RASGEF1B: variants seen among roughly 807,000 people sequenced by gnomAD.
RASGEF1B encodes RasGEF domain family member 1B, also known as ras-GEF domain-containing family member 1B.
RASGEF1B carries 30 observed loss-of-function variants against 65.7 expected under a neutral mutation model. The ratio of observed to expected loss-of-function variants is 0.46; its 90% confidence interval spans 0.34 to 0.62. The LOEUF (loss-of-function observed/expected upper bound fraction) is 0.62. RASGEF1B is among the 20% of genes least tolerant of loss of function. The pLI is 0.01. For synonymous variants in RASGEF1B, 175 were observed against 194.8 expected, an observed-to-expected ratio of 0.90 and a Z score of 0.85; for missense variants, 495 against 580.1, an observed-to-expected ratio of 0.85 and a Z score of 1.51.
Position 81,440,866 on chromosome 4 carries a change from T to C in RASGEF1B, c.1072A>G (p.Arg358Gly). The C allele has an allele frequency of 6.2e-7, 1 of 1,613,110 alleles. No individual in the cohort carries two copies. The highest frequency in any genetic ancestry group is 1.7e-5 in the Admixed American group (1 of 60,014). The change falls in exon 10 of 14, where the codon AGG becomes GGG. Residue 358 changes from arginine (R) to glycine (G), a missense_variant. Transcript: ENST00000264400. Reference sequence around the variant, plus strand: ...CTACTACTATGAGCAGTTAAAGACCTTTGTGCTGCCCCACGAAGAGCTGTT... The same window carrying C: ...CTACTACTATGAGCAGTTAAAGACCCTTGTGCTGCCCCACGAAGAGCTGTT... ...YRTALRGAAQRSLTAHSSREK... is the reference protein window; with the variant it reads ...YRTALRGAAQGSLTAHSSREK...
intron 1 of RASGEF1B, among the ~76,000 whole-genome samples, chr4:81,468,994 G>C (rs765984864): frequency 6.6e-6 from 1 of 152,134 alleles, no homozygotes; most frequent in Non-Finnish European, 1.5e-5. Context: ...CACAGCACTA[G>C]GCTATAACAT....
chr4:81,437,859 T>G (rs148646411), intron 10 of RASGEF1B, among the ~76,000 whole-genome samples: 195 of 152,334 alleles, frequency 1.3e-3, no homozygotes, highest in South Asian at 5.2e-3. Flanking sequence ...AAATCTAATA[T>G]AGTGAAAATC....
chr4:81,430,223 C>T (rs924349748), intron 13 of RASGEF1B, among the ~76,000 whole-genome samples: 5 of 152,154 alleles, frequency 3.3e-5, no homozygotes, highest in Admixed American at 1.3e-4. Flanking sequence ...ATGGCGTGAA[C>T]CCGGGAGGCG....
chr4:81,441,488 C>A (rs766930510), intron 9 of RASGEF1B, among the ~76,000 whole-genome samples: 5 of 151,668 alleles, frequency 3.3e-5, no homozygotes, highest in Non-Finnish European at 5.9e-5. Context: ...CACTGATATA[C>A]CAAGGTAGTA....
At chr4:81,451,882 A>G (rs1433364373) in intron 4 of RASGEF1B, 1 of 152,210 alleles carries the variant, frequency 6.6e-6, no homozygotes, top group Non-Finnish European at 1.5e-5. Context: ...AAAATACTTT[A>G]GTAAGAAATT....
At position 81,457,581 on chromosome 4, in the gene RASGEF1B, A is replaced by G; in HGVS notation, c.218T>C (p.Phe73Ser). 1.2e-6 allele frequency: 2 copies of G among 1,614,108 alleles called. No individual in the cohort carries two copies. Among genetic ancestry groups the G allele is most frequent in the Non-Finnish European group, 8.5e-7 (1 of 1,179,974 alleles). Residue 73 changes from phenylalanine (F) to serine (S), a missense_variant, in exon 3 of 14, where the codon TTT (phenylalanine) becomes TCT (serine). By Grantham distance (155) the Phe-to-Ser change is radical. Coordinates refer to ENST00000264400, the MANE Select transcript of RASGEF1B (RefSeq NM_152545.3). ...IFTFLLSSRLFMHPYELMAKV... is the reference protein window; with the variant it reads ...IFTFLLSSRLSMHPYELMAKV... ...GGCCATTAGCTCATACGGATGCATA[A>G]ATAACCGAGAACTGAGTAGGAAGGT... is the stretch of plus-strand genomic sequence containing the variant.
rs191313863 is a variant in RASGEF1B, at chr4:81,448,673, C to T, written c.439-389G>A. On this transcript the variant is annotated intron_variant, in intron 4 of 13. Transcript: ENST00000264400. ...GGGTTGAAATACATTGATCGCAAGTCAATGCATCCTTTTCCTAAGGCTTTT... is the reference window on the plus strand; with the variant it reads ...GGGTTGAAATACATTGATCGCAAGTTAATGCATCCTTTTCCTAAGGCTTTT... Among the ~76,000 whole-genome samples, 28 of 152,304 alleles carry T rather than the reference C, an allele frequency of 1.8e-4. No homozygotes were observed. The East Asian group carries it at 5.0e-3, about 27-fold the overall frequency.
At chr4:81,443,902 T>C (rs1206418653) in intron 8 of RASGEF1B, among the ~76,000 whole-genome samples, 1 of 152,208 alleles carries the variant, frequency 6.6e-6, no homozygotes, top group Non-Finnish European at 1.5e-5. Flanking sequence ...TAATGTACAA[T>C]AAGAGCCCCA....
intron 10 of RASGEF1B, among the ~76,000 whole-genome samples, chr4:81,435,774 CT>C (rs34304493): frequency 3.2e-3 from 295 of 91,592 alleles, no homozygotes; most frequent in African/African-American, 8.7e-3. Flanking sequence ...CGCGCCTGGC[CT>C]TTTTTTTTTT....
chr4:81,461,226 T>G (rs1056078954), intron 1 of RASGEF1B, among the ~76,000 whole-genome samples: 1 of 152,204 alleles, frequency 6.6e-6, no homozygotes, highest in African/African-American at 2.4e-5. Flanking sequence ...TAAGAGCCAG[T>G]CTGTCCTTGC....
At chr4:81,447,126 T>C (rs1387835595) in intron 6 of RASGEF1B, among the ~76,000 whole-genome samples, 1 of 152,210 alleles carries the variant, frequency 6.6e-6, no homozygotes, top group Non-Finnish European at 1.5e-5. Context: ...ATCCTGTCTT[T>C]CCTGCCCCTG....
intron 10 of RASGEF1B, among the ~76,000 whole-genome samples, chr4:81,439,394 T>G (rs1048352406): frequency 1.3e-5 from 2 of 152,244 alleles, no homozygotes; most frequent in African/African-American, 4.8e-5. Flanking sequence ...TATTAAATGA[T>G]GTGAAGGGTA....
intron 1 of RASGEF1B, among the ~76,000 whole-genome samples, chr4:81,460,326 A>G (rs1024710339): frequency 6.6e-6 from 1 of 152,160 alleles, no homozygotes; most frequent in African/African-American, 2.4e-5. Flanking sequence ...CTATTAAGTT[A>G]TTACTTGAAT....
chr4:81,440,400 C>A (rs946042074), intron 10 of RASGEF1B, among the ~76,000 whole-genome samples: 1 of 152,164 alleles, frequency 6.6e-6, no homozygotes, highest in Non-Finnish European at 1.5e-5. Flanking sequence ...GCTATAGCAA[C>A]TAACCCACTT....
chr4:81,466,131 TGGGGA>T (rs944239307), intron 1 of RASGEF1B, among the ~76,000 whole-genome samples: 1 of 152,156 alleles, frequency 6.6e-6, no homozygotes, highest in African/African-American at 2.4e-5. Context: ...ATTTGTTTAG[TGGGGA>T]GAGGTTTAAT....
At chr4:81,445,971 G>C (rs76186356) in intron 6 of RASGEF1B, 133 bp from the exon 7 acceptor site, 21,953 of 653,074 alleles carry the variant, frequency 0.034, 500 homozygotes, top group Middle Eastern at 0.058. Context: ...GAAAGAGAGA[G>C]AGAAAGACAA....
intron 6 of RASGEF1B, 101 bp from the exon 7 acceptor site, chr4:81,445,939 A>G: frequency 1.2e-6 from 1 of 802,880 alleles, no homozygotes. Flanking sequence ...TTTATGGATT[A>G]GGAAAGCTTT....
At chr4:81,450,376 G>A (rs1722209947) in intron 4 of RASGEF1B, among the ~76,000 whole-genome samples, 1 of 138,504 alleles carries the variant, frequency 7.2e-6, no homozygotes, top group Admixed American at 6.8e-5. Context: ...TTGACTGATT[G>A]ACTGACTGAG....
intron 10 of RASGEF1B, 22 bp downstream of exon 10, chr4:81,440,812 A>T (rs779744236): frequency 6.7e-7 from 1 of 1,492,292 alleles, no homozygotes; most frequent in East Asian, 2.3e-5. Flanking sequence ...ACCATAAGAA[A>T]GATACTTCTT....
Sources: gnomAD v4.1 joint callset for allele counts (sites outside exome capture counted in the v4.1 genomes callset) on GRCh38, gnomAD v4.1.1 for gene constraint, MANE v1.5 for transcripts, NCBI Gene and HGNC (gene_info 2026-07-23, HGNC 2026-07-21) for gene names.